HERC2: variants seen among roughly 807,000 people sequenced by gnomAD.
HERC2 encodes E3 ubiquitin-protein ligase HERC2.
In HERC2, 102 loss-of-function variants were observed where a neutral mutation model predicts 537.7. The observed-to-expected ratio is 0.19, with a 90% confidence interval of 0.16 to 0.22. The LOEUF is 0.22. Among genes scored for constraint, HERC2 ranks in the 10% least tolerant of loss-of-function variants. The pLI is 1.00. For missense variants in HERC2, 4,236 were observed against 6,198.2 expected, an observed-to-expected ratio of 0.68 and a Z score of 10.63; for synonymous variants, 2,224 against 2,466.2, an observed-to-expected ratio of 0.90 and a Z score of 2.91.
chr15:28,122,706 T>C lies in HERC2; in HGVS notation c.13189-1277A>G, dbSNP rs896822999. 6.6e-6 allele frequency among the ~76,000 whole-genome samples: 1 copy of C among 152,118 alleles called. No homozygotes were observed. Among genetic ancestry groups the C allele is most frequent in the Non-Finnish European group, 1.5e-5 (1 of 68,024 alleles). On this transcript the variant is annotated intron_variant, in intron 85 of 92. Coordinates refer to ENST00000261609, the MANE Select transcript of HERC2 (RefSeq NM_004667.6). This position sits in a 1 kb window ranked among gnomAD's most constrained non-coding sequence, Gnocchi z 4.1. ...CACTCTCTGAGGCCGATCCTCACCA[T>C]AACCAGGACCAGAACCGAGGCTGCC...
rs1256208798 is a variant in HERC2 at position 28,186,631 on chromosome 15, G to A, written c.8771C>T (p.Pro2924Leu). The A allele has an allele frequency of 3.7e-6, 6 of 1,613,986 alleles. No homozygotes were observed. The highest frequency in any genetic ancestry group is 5.1e-6 in the Non-Finnish European group (6 of 1,180,012). ...CTCTTCATTATCCGAAGCTAAGAAA[G>A]GAACTGCAGCCAAATCTTCCTCTTC... ...RAEEEDLAAV[P>L]FLASDNEEEE... The change falls in exon 56 of 93, where the codon CCT (proline) becomes CTT (leucine). Residue 2924 changes from proline to leucine, a missense_variant. Around this residue, in one of 27 missense-constraint regions of HERC2, gnomAD observed 606 missense variants for 884.5 expected, o/e 0.69. Transcript: ENST00000261609.
At chr15:28,212,960 C>T (rs1899426346) in intron 42 of HERC2, 1 of 186,722 alleles carries the variant, frequency 5.4e-6, no homozygotes, top group Admixed American at 6.5e-5. Context: ...GCCTGTAATC[C>T]CAGCACTTTG....
chr15:28,207,295 C>T (rs373467503), intron 44 of HERC2, among the ~76,000 whole-genome samples: 34 of 152,124 alleles, frequency 2.2e-4, no homozygotes, highest in East Asian at 9.8e-4. Context: ...CCACCACGCC[C>T]GGCTAATTTT....
chr15:28,280,397 G>C, intron 4 of HERC2, 110 bp from the exon 5 acceptor site: 1 of 867,590 alleles, frequency 1.2e-6, no homozygotes, highest in Non-Finnish European at 1.8e-6. Flanking sequence ...GGCATGATAT[G>C]TGGCAATAAT....
intron 85 of HERC2, among the ~76,000 whole-genome samples, chr15:28,121,865 G>T: frequency 6.6e-6 from 1 of 151,838 alleles, no homozygotes; most frequent in East Asian, 2.0e-4. Flanking sequence ...GGGCCAGGGA[G>T]CACCGCGGAG....
intron 69 of HERC2, among the ~76,000 whole-genome samples, chr15:28,162,647 T>C (rs1267089141): frequency 6.6e-6 from 1 of 152,096 alleles, no homozygotes; most frequent in East Asian, 1.9e-4. Flanking sequence ...CCCAGCACTT[T>C]GGGAGGCTGA....
At chr15:28,225,830 C>A (rs1261717331) in intron 35 of HERC2, among the ~76,000 whole-genome samples, 2 of 151,426 alleles carry the variant, frequency 1.3e-5, no homozygotes, top group African/African-American at 4.9e-5. Flanking sequence ...TGTATGCCAA[C>A]AAATAAAATA....
In HERC2 at chr15:28,268,032, G is replaced by A. The variant is rs1364561452; in HGVS notation, c.1598+433C>T. On this transcript the variant is annotated intron_variant, in intron 12 of 92. Coordinates refer to ENST00000261609, the MANE Select transcript of HERC2 (RefSeq NM_004667.6). The surrounding 1 kb of genome is among the most constrained non-coding windows in gnomAD (Gnocchi z 4.7). The stretch of plus-strand genomic sequence containing the variant: ...TTCATTTGTTCTTTCACAATAAAAG[G>A]TTCCACTGAGTAGGATAATATTAGG... Among the ~76,000 whole-genome samples, 1 of 152,192 alleles carries A rather than the reference G, an allele frequency of 6.6e-6. No individual in the cohort carries two copies. The highest frequency in any genetic ancestry group is 1.5e-5 in the Non-Finnish European group (1 of 68,038).
chr15:28,304,366 C>CTTTTTTTTTTTT (rs567606595), intron 2 of HERC2, among the ~76,000 whole-genome samples: 5 of 137,422 alleles, frequency 3.6e-5, no homozygotes, highest in Admixed American at 7.3e-5. Flanking sequence ...TTTATTTCTT[C>CTTTTTTTTTTTT]TTTTTTTTTT....
At position 28,229,782 on chromosome 15, in the gene HERC2, A is replaced by G. The variant is rs368568508; in HGVS notation, c.4875T>C (p.Asn1625=). ...GAGACTGCGGATAAAGACCCTGCAC[A>G]TTCTGCTTCAACCACTTGTATTTGT... ...GVHKYKWLKQ[N]VQGLYPQSPL... The change falls in exon 32 of 93, where the codon AAT becomes AAC. Residue 1625 remains asparagine, a synonymous_variant. Transcript: ENST00000261609. 1.9e-5 allele frequency: 27 copies of G among 1,448,150 alleles called. No homozygotes were observed. In the South Asian group the frequency reaches 2.2e-4, roughly 12 times the overall value. The allele number at this position is 1,448,150 out of a possible 1,614,324, so 89.7% of individuals were successfully genotyped here.
intron 69 of HERC2, among the ~76,000 whole-genome samples, chr15:28,156,036 T>C (rs1303894356): frequency 1.3e-5 from 2 of 152,210 alleles, no homozygotes; most frequent in African/African-American, 4.8e-5. Context: ...TCCCCATTTC[T>C]CGTTTTTGTC....
intron 68 of HERC2, among the ~76,000 whole-genome samples, chr15:28,165,297 C>G (rs537356727): frequency 2.6e-5 from 4 of 152,238 alleles, no homozygotes; most frequent in South Asian, 4.1e-4. Context: ...GGGGGACAGC[C>G]AAGATCGGAG....
Position 28,268,326 on chromosome 15 carries a change from T to G in HERC2, c.1598+139A>C, listed in dbSNP as rs553618039. 1.5e-6 allele frequency: 1 copy of G among 669,970 alleles called. No homozygotes were observed. The highest frequency in any genetic ancestry group is 1.8e-5 in the African/African-American group (1 of 55,092). 41.5% of individuals were successfully genotyped at this position (669,970 alleles called of 1,614,324 possible). A position where few individuals can be genotyped will look rare whatever the true frequency, so the allele number is the denominator to read the frequency against. On this transcript the variant is annotated intron_variant, in intron 12 of 92. Coordinates refer to ENST00000261609, the MANE Select transcript of HERC2 (RefSeq NM_004667.6). The surrounding 1 kb of genome is among the most constrained non-coding windows in gnomAD (Gnocchi z 4.7). ...AAGCCATCACCAAGGAGGAGGCATA[T>G]CGTAGTGTCCTGCTCCATCCCAGCG...
intron 2 of HERC2, among the ~76,000 whole-genome samples, chr15:28,317,054 A>C (rs1446154405): frequency 6.6e-6 from 1 of 151,910 alleles, no homozygotes; most frequent in African/African-American, 2.4e-5. Flanking sequence ...CACCACACCC[A>C]GCCATGTAGC....
At chr15:28,196,692 T>A (rs950766590) in intron 50 of HERC2, 123 bp from the exon 51 acceptor site, 12 of 614,708 alleles carry the variant, frequency 2.0e-5, no homozygotes, top group Non-Finnish European at 2.9e-5. Flanking sequence ...AGAGTCTACC[T>A]TTTAGAGATA....
chr15:28,305,686 A>G (rs1196395042), intron 2 of HERC2, among the ~76,000 whole-genome samples: 1 of 129,810 alleles, frequency 7.7e-6, no homozygotes, highest in Admixed American at 8.3e-5. Flanking sequence ...ATGGGATCTA[A>G]TTAAACTAAA....
intron 44 of HERC2, among the ~76,000 whole-genome samples, chr15:28,207,189 GC>G (rs1447867046): frequency 8.6e-5 from 13 of 151,924 alleles, no homozygotes; most frequent in Non-Finnish European, 1.3e-4. Flanking sequence ...AGGCTGGAGT[GC>G]AGTGGCACAA....
At chr15:28,126,381 G>A (rs1290518580) in intron 83 of HERC2, among the ~76,000 whole-genome samples, 4 of 152,138 alleles carry the variant, frequency 2.6e-5, no homozygotes, top group Non-Finnish European at 4.4e-5. Context: ...CCCACCACTA[G>A]GTACCTACCC....
At chr15:28,129,253 G>A (rs910982459) in intron 83 of HERC2, among the ~76,000 whole-genome samples, 3 of 152,198 alleles carry the variant, frequency 2.0e-5, no homozygotes, top group Admixed American at 6.5e-5. Flanking sequence ...ACCAGCACAG[G>A]GATGGGGACC....
Sources: gnomAD v4.1 joint callset for allele counts (sites outside exome capture counted in the v4.1 genomes callset) on GRCh38, gnomAD v4.1.1 for gene constraint, gnomAD v4.1.1 regional missense constraint, Gnocchi (gnomAD v3.1) non-coding constraint, MANE v1.5 for transcripts, NCBI Gene and HGNC (gene_info 2026-07-23, HGNC 2026-07-21) for gene names.